The following ANKDD1B variants were observed in gnomAD, a reference collection of about 807,000 sequenced individuals.
ANKDD1B encodes ankyrin repeat and death domain-containing protein 1B.
Under a neutral mutation model 59.7 loss-of-function variants are expected in ANKDD1B, and 57 were observed. That is an observed-to-expected ratio of 0.95 (90% CI 0.77 to 1.19). ANKDD1B has a LOEUF of 1.19. Among genes scored for constraint, ANKDD1B ranks in the 50% most tolerant of loss-of-function variants. The pLI, the probability that ANKDD1B is intolerant of heterozygous loss-of-function variation, is 0.00. For missense variants in ANKDD1B, 602 were observed against 641.9 expected (o/e 0.94, Z 0.67); for synonymous variants, 216 against 239.5 (o/e 0.90, Z 0.91).
At chr5:75,667,110 A>C (rs1775330769) in intron 12 of ANKDD1B, 117 bp downstream of exon 12, 1 of 620,806 alleles carries the variant, frequency 1.6e-6, no homozygotes, top group Non-Finnish European at 2.5e-6. Flanking sequence ...GCAGTCTTCA[A>C]GGGGCCCAGG....
chr5:75,616,947 T>C (rs1239784009), intron 2 of ANKDD1B, 40 bp downstream of exon 2: 3 of 943,240 alleles, frequency 3.2e-6, no homozygotes, highest in East Asian at 2.6e-5. Flanking sequence ...ACTTCTCCAG[T>C]AATGGCTTGG....
In ANKDD1B at chr5:75,634,898, A is replaced by G; in HGVS notation, c.601A>G (p.Lys201Glu). The change falls in exon 6 of 14, where the codon AAA becomes GAA. Residue 201 changes from lysine (K) to glutamate (E), a missense_variant and splice_region_variant. This residue lies in a region of ANKDD1B where 317 missense variants were observed against 304.6 expected (regional missense o/e 1.04). Transcript: ENST00000601380. ...HLKDLNQPDE[K>E]GRKPFLLAAE... Reference sequence around the variant, plus strand: ...CTTGAGGTTTGTGATTGATTTTTAGAAAGGAAGAAAACCATTTCTTTTGGC... The same window carrying G: ...CTTGAGGTTTGTGATTGATTTTTAGGAAGGAAGAAAACCATTTCTTTTGGC... The G allele has an allele frequency of 6.6e-7, 1 of 1,526,438 alleles. No individual in the cohort carries two copies. Among genetic ancestry groups the G allele is most frequent in the African/African-American group, 1.4e-5 (1 of 72,962 alleles). 94.6% of individuals were successfully genotyped at this position (1,526,438 alleles called of 1,614,324 possible).
At chr5:75,659,839 T>C (rs952947669) in intron 10 of ANKDD1B, among the ~76,000 whole-genome samples, 3 of 152,184 alleles carry the variant, frequency 2.0e-5, no homozygotes, top group African/African-American at 7.2e-5. Flanking sequence ...TAGACACTGA[T>C]GGCATACCTA....
At chr5:75,670,164 A>T (rs924699373) in intron 13 of ANKDD1B, among the ~76,000 whole-genome samples, 1 of 152,188 alleles carries the variant, frequency 6.6e-6, no homozygotes. Flanking sequence ...CCCTGTTCCC[A>T]TTGGCCCCGA....
intron 5 of ANKDD1B, 42 bp from the exon 6 acceptor site, chr5:75,634,856 T>G: frequency 1.6e-6 from 2 of 1,287,066 alleles, no homozygotes; most frequent in South Asian, 2.5e-5. Flanking sequence ...GCTTGTTCAC[T>G]AAGACTGTAA....
At chr5:75,639,463 C>G (rs1774405068) in intron 7 of ANKDD1B, among the ~76,000 whole-genome samples, 1 of 152,148 alleles carries the variant, frequency 6.6e-6, no homozygotes, top group Non-Finnish European at 1.5e-5. Context: ...TCCCAAAGTG[C>G]TGGGATTACA....
rs962047178 is a variant in ANKDD1B, at chr5:75,653,284, A to C, written c.897+44A>C. 4.9e-6 allele frequency: 7 copies of C among 1,423,884 alleles called. No individual in the cohort carries two copies. In the African/African-American group the frequency reaches 9.9e-5, roughly 20 times the overall value. The allele number at this position is 1,423,884 out of a possible 1,614,324, so 88.2% of individuals were successfully genotyped here. On this transcript the variant is annotated intron_variant, in intron 8 of 13. Transcript: ENST00000601380. ...CACGGGCTTTGGTCCTGGCGCCGTG[A>C]GGTTGGCTGTGTCAGGGAGATGCCC... is the stretch of plus-strand genomic sequence containing the variant.
intron 11 of ANKDD1B, among the ~76,000 whole-genome samples, chr5:75,664,160 C>G (rs1372955805): frequency 1.3e-5 from 2 of 152,186 alleles, no homozygotes; most frequent in Non-Finnish European, 2.9e-5. Context: ...TACCCCTGGC[C>G]CAATGTGTTA....
intron 11 of ANKDD1B, among the ~76,000 whole-genome samples, chr5:75,664,914 T>C (rs912979950): frequency 2.0e-5 from 3 of 152,232 alleles, no homozygotes; most frequent in Non-Finnish European, 4.4e-5. Flanking sequence ...CATCTTTAAA[T>C]ATTTTTTTAA....
intron 9 of ANKDD1B, among the ~76,000 whole-genome samples, chr5:75,656,842 C>A (rs886869463): frequency 4.6e-5 from 7 of 152,338 alleles, no homozygotes; most frequent in African/African-American, 1.4e-4. Flanking sequence ...CGGTGCCCTT[C>A]CGGCTAGGGA....
chr5:75,629,870 G>A lies in ANKDD1B; in HGVS notation c.600+3915G>A, dbSNP rs115413719. ...GGAGGATCACTGGATCCCAGGAGGTGGAAGCTGCAGTGAGCTGAGATCATG... is the reference window on the plus strand; with the variant it reads ...GGAGGATCACTGGATCCCAGGAGGTAGAAGCTGCAGTGAGCTGAGATCATG... On this transcript the variant is annotated intron_variant, in intron 5 of 13. Coordinates refer to ENST00000601380, the MANE Select transcript of ANKDD1B (RefSeq NM_001276713.2). Among the ~76,000 whole-genome samples, 1,332 of 152,246 alleles carry A rather than the reference G, an allele frequency of 8.7e-3. 24 individuals are homozygous for A. Among genetic ancestry groups the A allele is most frequent in the African/African-American group, 0.03 (1,263 of 41,548 alleles).
chr5:75,614,144 C>T (rs1328208807), intron 1 of ANKDD1B, among the ~76,000 whole-genome samples: 1 of 152,144 alleles, frequency 6.6e-6, no homozygotes, highest in South Asian at 2.1e-4. Flanking sequence ...GCAGAAGACA[C>T]TTCTGGATCA....
chr5:75,638,990 C>A (rs1223084040), intron 7 of ANKDD1B, among the ~76,000 whole-genome samples: 1 of 152,208 alleles, frequency 6.6e-6, no homozygotes, highest in African/African-American at 2.4e-5. Context: ...GAATTCCTCA[C>A]AATTGCCTTT....
At chr5:75,662,695 T>C (rs1200610665) in intron 10 of ANKDD1B, among the ~76,000 whole-genome samples, 3 of 152,106 alleles carry the variant, frequency 2.0e-5, no homozygotes, top group African/African-American at 7.2e-5. Context: ...TTGAGAAAAG[T>C]GTACCTTTTT....
chr5:75,611,964 G>T (rs576891441), intron 1 of ANKDD1B, 137 bp downstream of exon 1: 2 of 666,476 alleles, frequency 3.0e-6, no homozygotes, highest in African/African-American at 3.7e-5. Context: ...CTGGGACCCC[G>T]AGTCCCAGCC....
At chr5:75,619,092 G>T (rs960008042) in intron 2 of ANKDD1B, among the ~76,000 whole-genome samples, 1 of 152,176 alleles carries the variant, frequency 6.6e-6, no homozygotes, top group Non-Finnish European at 1.5e-5. Flanking sequence ...TTTAGCTATT[G>T]TGAAAGTTTT....
chr5:75,626,789 T>TG (rs1263092049), intron 5 of ANKDD1B, among the ~76,000 whole-genome samples: 174 of 152,234 alleles, frequency 1.1e-3, no homozygotes, highest in Middle Eastern at 3.4e-3. Flanking sequence ...CTTGTTTTTT[T>TG]TTTTTGTTTG....
At chr5:75,662,053 G>C (rs1406258815) in intron 10 of ANKDD1B, among the ~76,000 whole-genome samples, 1 of 152,042 alleles carries the variant, frequency 6.6e-6, no homozygotes, top group African/African-American at 2.4e-5. Context: ...GTGTCAAAAA[G>C]CTCTCAGAGA....
intron 5 of ANKDD1B, among the ~76,000 whole-genome samples, chr5:75,628,595 A>G (rs1581134722): frequency 6.6e-6 from 1 of 152,202 alleles, no homozygotes; most frequent in East Asian, 1.9e-4. Flanking sequence ...AGTGATTGAG[A>G]GCTTGTGTAC....
Sources: gnomAD v4.1 joint callset for allele counts (sites outside exome capture counted in the v4.1 genomes callset) on GRCh38, gnomAD v4.1.1 for gene constraint, gnomAD v4.1.1 regional missense constraint, MANE v1.5 for transcripts, NCBI Gene and HGNC (gene_info 2026-07-23, HGNC 2026-07-21) for gene names.